GLIS3: variants seen among roughly 807,000 people sequenced by gnomAD.
GLIS3 encodes the protein GLIS family zinc finger 3.
GLIS3 carries 53 observed loss-of-function variants against 78.6 expected under a neutral mutation model. That is an observed-to-expected ratio of 0.67 (90% CI 0.54 to 0.85). The LOEUF (loss-of-function observed/expected upper bound fraction) is 0.85. GLIS3 is among the 40% of genes least tolerant of loss of function. The probability of loss-of-function intolerance (pLI) is 0.00; values close to 1 mark genes in which losing one functional copy is unlikely to be tolerated. For missense variants in GLIS3, 1,703 were observed against 1,231.1 expected, an observed-to-expected ratio of 1.38 and a Z score of -5.74; for synonymous variants, 684 against 509.9, an observed-to-expected ratio of 1.34 and a Z score of -4.60.
intron 4 of GLIS3, among the ~76,000 whole-genome samples, chr9:3,942,906 CAAAA>C (rs1816036759): frequency 6.6e-6 from 1 of 151,020 alleles, no homozygotes; most frequent in East Asian, 1.9e-4. Flanking sequence ...AACTAGAAAA[CAAAA>C]GAAGAAAGGA....
rs531888887 is a variant in GLIS3, at chr9:4,284,789, G to A, written c.388+1249C>T. 1.1e-4 allele frequency among the ~76,000 whole-genome samples: 17 copies of A among 151,590 alleles called. No homozygotes were observed. In the East Asian group the frequency reaches 2.3e-3, roughly 21 times the overall value. On this transcript the variant is annotated intron_variant, in intron 2 of 10. Coordinates refer to ENST00000381971, the MANE Select transcript of GLIS3 (RefSeq NM_001042413.2). ...AAAAATTAGCCAGGCGTTGTGGCAC[G>A]CACCTGTGGTCCCAGCTACTTGGGG...
At chr9:4,337,603 C>G (rs1178323634) in intron 2 of GLIS3, among the ~76,000 whole-genome samples, 2 of 151,928 alleles carry the variant, frequency 1.3e-5, no homozygotes, top group African/African-American at 4.8e-5. Context: ...GTCATTTTTT[C>G]TGACATGCTG....
chr9:4,345,574 A>G (rs1383672008), intron 2 of GLIS3, among the ~76,000 whole-genome samples: 2 of 152,198 alleles, frequency 1.3e-5, no homozygotes, highest in African/African-American at 4.8e-5. Flanking sequence ...AGGAAGAAAC[A>G]GGTTCCATGT....
chr9:4,034,269 G>A (rs1255670462), intron 4 of GLIS3, among the ~76,000 whole-genome samples: 4 of 151,912 alleles, frequency 2.6e-5, no homozygotes, highest in African/African-American at 7.3e-5. Context: ...ATTCTATCAA[G>A]GCATAATACC....
At chr9:4,478,395 G>C in the GLIS3 span, among the ~76,000 whole-genome samples, 2 of 152,186 alleles carry the variant, frequency 1.3e-5, no homozygotes, top group Admixed American at 6.5e-5. Context: ...GAGATCACTT[G>C]AGGTCAGGAG....
chr9:4,393,612 T>A, the GLIS3 span, among the ~76,000 whole-genome samples: 1 of 152,204 alleles, frequency 6.6e-6, no homozygotes. Flanking sequence ...TTTCTGACCT[T>A]GATATTTATG....
chr9:4,359,632 T>C, the GLIS3 span, among the ~76,000 whole-genome samples: 3 of 152,280 alleles, frequency 2.0e-5, no homozygotes, highest in South Asian at 4.1e-4. Flanking sequence ...ACCCGTGAGA[T>C]CCAAGACCTG....
chr9:4,203,714 C>T (rs933848326), intron 2 of GLIS3, among the ~76,000 whole-genome samples: 14 of 152,208 alleles, frequency 9.2e-5, no homozygotes, highest in Admixed American at 3.9e-4. Context: ...TAGGTGCCCC[C>T]GTCAGTGGTG....
chr9:4,320,473 T>C (rs1054405595), intron 2 of GLIS3, among the ~76,000 whole-genome samples: 7 of 152,202 alleles, frequency 4.6e-5, no homozygotes, highest in Non-Finnish European at 1.0e-4. Flanking sequence ...GATTTATCCT[T>C]CACACCTTTC....
intron 4 of GLIS3, chr9:4,305,614 G>A (rs965285316): frequency 6.6e-6 from 1 of 152,182 alleles, no homozygotes; most frequent in African/African-American, 2.4e-5. Flanking sequence ...CTGGCCATAG[G>A]GATTGGTTAA....
chr9:4,369,251 G>A, the GLIS3 span, among the ~76,000 whole-genome samples: 1,229 of 152,182 alleles, frequency 8.1e-3, 21 homozygotes, highest in African/African-American at 0.029. Context: ...TCCCAAAGAT[G>A]TTTTAAGAAT....
At chr9:4,283,276 T>G (rs948509401) in intron 2 of GLIS3, among the ~76,000 whole-genome samples, 38 of 151,662 alleles carry the variant, frequency 2.5e-4, no homozygotes, top group African/African-American at 9.2e-4. Context: ...TTTGTTTTTT[T>G]TTTTTTTGAG....
chr9:4,163,337 A>G (rs1260768366), intron 2 of GLIS3, among the ~76,000 whole-genome samples: 1 of 152,238 alleles, frequency 6.6e-6, no homozygotes, highest in East Asian at 1.9e-4. Flanking sequence ...GAAATTCATC[A>G]TTTTCACAAT....
At chr9:4,274,277 T>A (rs1826791239) in intron 2 of GLIS3, among the ~76,000 whole-genome samples, 2 of 152,194 alleles carry the variant, frequency 1.3e-5, no homozygotes, top group African/African-American at 4.8e-5. Flanking sequence ...CAAACAAAAA[T>A]GCTGCATCCC....
chr9:3,951,483 T>C (rs1260821309), intron 4 of GLIS3, among the ~76,000 whole-genome samples: 1 of 151,248 alleles, frequency 6.6e-6, no homozygotes, highest in African/African-American at 2.4e-5. Context: ...TCAAGAGTAG[T>C]ATTTAGTTAA....
At chr9:4,395,500 C>G in the GLIS3 span, among the ~76,000 whole-genome samples, 5 of 152,142 alleles carry the variant, frequency 3.3e-5, no homozygotes, top group African/African-American at 1.2e-4. Flanking sequence ...CTCCGATGCT[C>G]TAGCTGAAGA....
rs1451877943 is a variant in GLIS3 at position 4,327,589 on chromosome 9, A to G, written n.265-17061T>C. ...CATGAGAGAGGAGGAGGAGTCACCA[A>G]CAATTCTGAGCTCTCTGCTTTGTGA... On this transcript the variant is annotated intron_variant and non_coding_transcript_variant, in intron 2 of 4. Transcript: ENST00000471664. Among the ~76,000 whole-genome samples the G allele has an allele frequency of 3.9e-5, 6 of 152,324 alleles. No homozygotes were observed. In the East Asian group the frequency reaches 1.2e-3, roughly 29 times the overall value.
the GLIS3 span, among the ~76,000 whole-genome samples, chr9:4,447,636 C>A: frequency 6.6e-6 from 1 of 152,202 alleles, no homozygotes; most frequent in Non-Finnish European, 1.5e-5. Flanking sequence ...TCCTGAACCT[C>A]AGTCTGCTTC....
the GLIS3 span, among the ~76,000 whole-genome samples, chr9:4,384,062 G>A: frequency 1.3e-5 from 2 of 152,336 alleles, no homozygotes; most frequent in East Asian, 3.9e-4. Context: ...GATGAGAGTA[G>A]TCTCTTTTAT....
Sources: gnomAD v4.1 joint callset for allele counts (sites outside exome capture counted in the v4.1 genomes callset) on GRCh38, gnomAD v4.1.1 for gene constraint, MANE v1.5 for transcripts, NCBI Gene and HGNC (gene_info 2026-07-23, HGNC 2026-07-21) for gene names.